Variants in ZBTB20 observed in about 807,000 individuals in gnomAD.
The protein encoded by ZBTB20 is zinc finger and BTB domain containing 20.
ZBTB20 carries 9 observed loss-of-function variants against 56.9 expected under a neutral mutation model. The ratio of observed to expected loss-of-function variants is 0.16; its 90% CI spans 0.10 to 0.28. The LOEUF is 0.28. Ranked by LOEUF, ZBTB20 falls within the 10% of genes least tolerant of loss-of-function variation. ZBTB20 has a pLI of 1.00. For synonymous variants in ZBTB20, 417 were observed against 420.7 expected, an observed-to-expected ratio of 0.99 and a Z score of 0.11; for missense variants, 655 against 1,003.0, an observed-to-expected ratio of 0.65 and a Z score of 4.69.
intron 4 of ZBTB20, among the ~76,000 whole-genome samples, chr3:114,807,791 C>A (rs1466193828): frequency 1.3e-5 from 2 of 151,968 alleles, no homozygotes; most frequent in Non-Finnish European, 2.9e-5. Context: ...TGCTATATTG[C>A]ATTAATTAAT....
intron 10 of ZBTB20, among the ~76,000 whole-genome samples, chr3:114,353,597 C>A (rs2080908210): frequency 6.6e-6 from 1 of 152,120 alleles, no homozygotes; most frequent in Admixed American, 6.5e-5. Context: ...TCCCCTGTAA[C>A]CATGTGAACA....
intron 1 of ZBTB20, among the ~76,000 whole-genome samples, chr3:115,122,274 G>A (rs961746738): frequency 6.6e-6 from 1 of 151,932 alleles, no homozygotes; most frequent in Non-Finnish European, 1.5e-5. Flanking sequence ...AACTAGTGAG[G>A]CCCAACTAAG....
intron 6 of ZBTB20, among the ~76,000 whole-genome samples, chr3:114,635,964 A>T (rs2059244222): frequency 6.6e-6 from 1 of 152,134 alleles, no homozygotes; most frequent in Non-Finnish European, 1.5e-5. Context: ...AGCTCCAAAG[A>T]TCTACACCAA....
chr3:114,702,003 T>C (rs2063413022), intron 5 of ZBTB20, among the ~76,000 whole-genome samples: 1 of 152,066 alleles, frequency 6.6e-6, no homozygotes, highest in Admixed American at 6.6e-5. Flanking sequence ...CTTTGAAGAT[T>C]TATATTAGGA....
At chr3:114,775,768 C>T (rs1235346761) in intron 5 of ZBTB20, among the ~76,000 whole-genome samples, 1 of 152,112 alleles carries the variant, frequency 6.6e-6, no homozygotes, top group Non-Finnish European at 1.5e-5. Flanking sequence ...TGGAGTGTGA[C>T]AGGGAGTTGA....
intron 11 of ZBTB20, among the ~76,000 whole-genome samples, chr3:114,341,375 T>C (rs13068171): frequency 0.014 from 2,171 of 152,296 alleles, 65 homozygotes; most frequent in Admixed American, 0.06. Flanking sequence ...GTCTTTGCTA[T>C]CCTCATGCTT....
chr3:114,692,293 G>C lies in ZBTB20; in HGVS notation c.-295+1235C>G, dbSNP rs925706555. 9.9e-4 allele frequency among the ~76,000 whole-genome samples: 150 copies of C among 152,200 alleles called. 2 individuals are homozygous for C. The highest frequency in any genetic ancestry group is 2.8e-4 in the Non-Finnish European group (19 of 67,996). ...CAAGTAAAGCGTGGGAGTGGGGAGG[G>C]AGGCGGAGCTACAATCCCGAAGGCT... On this transcript the variant is annotated intron_variant, in intron 6 of 11. Transcript: ENST00000675478.
chr3:114,819,173 T>C (rs2073104676), intron 4 of ZBTB20, among the ~76,000 whole-genome samples: 1 of 151,916 alleles, frequency 6.6e-6, no homozygotes, highest in Admixed American at 6.6e-5. Context: ...TACCTAAATA[T>C]ATGAAGGAAT....
At chr3:114,340,733 G>GA (rs2079697246) in intron 11 of ZBTB20, among the ~76,000 whole-genome samples, 1 of 152,044 alleles carries the variant, frequency 6.6e-6, no homozygotes, top group Non-Finnish European at 1.5e-5. Context: ...TCACCTCAGA[G>GA]AAAAAAGTCC....
At position 114,332,138 on chromosome 3, in the gene ZBTB20, G is replaced by A. The variant is rs2079284454; in HGVS notation, c.*6867C>T. 7.3e-6 allele frequency: 1 copy of A among 136,606 alleles called. No individual in the cohort carries two copies. Among genetic ancestry groups the A allele is most frequent in the African/African-American group, 2.8e-5 (1 of 36,212 alleles). 8.5% of individuals were successfully genotyped at this position (136,606 alleles called of 1,614,324 possible). ...GGCATTCTAAACCAAAGAAACCTCTGAATTTGAAACAGGGTTAGTAGGGAC... is the reference window on the plus strand; with the variant it reads ...GGCATTCTAAACCAAAGAAACCTCTAAATTTGAAACAGGGTTAGTAGGGAC... On this transcript the variant is annotated 3_prime_UTR_variant, in exon 12 of 12. Transcript: ENST00000675478.
chr3:114,965,673 A>G (rs2077620587), intron 3 of ZBTB20, among the ~76,000 whole-genome samples: 1 of 151,984 alleles, frequency 6.6e-6, no homozygotes, highest in Admixed American at 6.6e-5. Context: ...CTATTCCTCC[A>G]TTGATGGTCA....
rs530027489 is a variant in ZBTB20, at chr3:114,979,401, T to C, written c.-506-4985A>G. 2.5e-4 allele frequency among the ~76,000 whole-genome samples: 38 copies of C among 152,106 alleles called. 1 individual carries two copies. The highest frequency in any genetic ancestry group is 2.4e-3 in the Admixed American group (37 of 15,258). On this transcript the variant is annotated intron_variant, in intron 2 of 11. Coordinates refer to ENST00000675478, the MANE Select transcript of ZBTB20 (RefSeq NM_001348800.3). ...AAAGTAAGCAAATTTTAAGTAGCTA[T>C]AAAATCATGCTGTTCATTCCCATAT...
intron 7 of ZBTB20, among the ~76,000 whole-genome samples, chr3:114,412,267 T>C (rs561011013): frequency 6.6e-6 from 1 of 152,154 alleles, no homozygotes; most frequent in Non-Finnish European, 1.5e-5. Flanking sequence ...ACAGTTACCA[T>C]AGAGTTGTGA....
intron 7 of ZBTB20, among the ~76,000 whole-genome samples, chr3:114,491,548 T>G (rs2042754280): frequency 6.6e-6 from 1 of 152,140 alleles, no homozygotes; most frequent in Non-Finnish European, 1.5e-5. Context: ...ACTCCTCCTT[T>G]CTTACAAAAA....
chr3:114,859,773 G>A (rs1214224186), intron 4 of ZBTB20, among the ~76,000 whole-genome samples: 1 of 152,052 alleles, frequency 6.6e-6, no homozygotes, highest in Non-Finnish European at 1.5e-5. Flanking sequence ...GCAAACGACA[G>A]TACAGTATGT....
At chr3:114,801,594 T>C (rs968487426) in intron 4 of ZBTB20, among the ~76,000 whole-genome samples, 1 of 151,802 alleles carries the variant, frequency 6.6e-6, no homozygotes. Flanking sequence ...TGGGTCTGAA[T>C]ACACATATTA....
intron 5 of ZBTB20, among the ~76,000 whole-genome samples, chr3:114,711,666 G>A (rs2064093987): frequency 6.6e-6 from 1 of 152,162 alleles, no homozygotes; most frequent in Non-Finnish European, 1.5e-5. Context: ...ATGCTGACAT[G>A]GCAATCTTAT....
rs184896177 is a variant in ZBTB20 at position 114,991,734 on chromosome 3, A to G, written c.-506-17318T>C. 8.5e-5 allele frequency among the ~76,000 whole-genome samples: 13 copies of G among 152,154 alleles called. No homozygotes were observed. The East Asian group carries it at 2.5e-3, about 29-fold the overall frequency. On this transcript the variant is annotated intron_variant, in intron 2 of 11. Coordinates refer to ENST00000675478, the MANE Select transcript of ZBTB20 (RefSeq NM_001348800.3). ...AAGTCTCCCATTATTATTATGTGGG[A>G]GTCTAAGTCTCTTTGTAGGTCTCTA...
At chr3:114,581,167 A>T (rs1326825531) in intron 6 of ZBTB20, among the ~76,000 whole-genome samples, 2 of 152,050 alleles carry the variant, frequency 1.3e-5, no homozygotes, top group Non-Finnish European at 2.9e-5. Context: ...AAATTAGTTA[A>T]TAAAGAATGA....
Sources: allele counts gnomAD v4.1 joint callset (sites outside exome capture counted in the v4.1 genomes callset), GRCh38; gene constraint gnomAD v4.1.1; transcripts MANE v1.5; gene names NCBI Gene and HGNC (gene_info 2026-07-23, HGNC 2026-07-21).